The following OCA2 variants were observed in gnomAD, a reference collection of about 807,000 sequenced individuals.
The protein encoded by OCA2 is OCA2 melanosomal transmembrane protein.
A neutral mutation model predicts 100.2 loss-of-function variants in OCA2; 77 were observed. That is an observed-to-expected ratio of 0.77 (90% CI 0.64 to 0.93). OCA2 has a LOEUF of 0.93. Among genes scored for constraint, OCA2 ranks in the 40% least tolerant of loss-of-function variants. The probability of loss-of-function intolerance (pLI) is 0.00; values close to 1 mark genes in which losing one functional copy is unlikely to be tolerated. For synonymous variants in OCA2, 432 were observed against 439.2 expected (o/e 0.98, Z 0.21); for missense variants, 1,062 against 1,089.1 (o/e 0.98, Z 0.35).
intron 6 of OCA2, among the ~76,000 whole-genome samples, chr15:28,019,183 C>T (rs1025980789): frequency 7.9e-5 from 12 of 151,212 alleles, no homozygotes; most frequent in African/African-American, 2.7e-4. Flanking sequence ...ATACAAAATG[C>T]ATCACATGGG....
At chr15:28,004,137 C>T (rs1465232859) in intron 9 of OCA2, among the ~76,000 whole-genome samples, 1 of 152,256 alleles carries the variant, frequency 6.6e-6, no homozygotes, top group Non-Finnish European at 1.5e-5. Context: ...AGAAGAACAT[C>T]AGTCCATCGT....
chr15:27,862,145 A>G (rs66577031), intron 21 of OCA2, among the ~76,000 whole-genome samples: 34,519 of 151,816 alleles, frequency 0.23, 4,948 homozygotes, highest in East Asian at 0.56. Context: ...TCAAGTCCTC[A>G]TGGACAGAAA....
At chr15:27,937,692 A>G (rs1268615818) in intron 18 of OCA2, among the ~76,000 whole-genome samples, 1 of 152,216 alleles carries the variant, frequency 6.6e-6, no homozygotes, top group Non-Finnish European at 1.5e-5. Flanking sequence ...TAATACTTTC[A>G]GTAATTTCAA....
At chr15:28,049,600 A>G (rs2043447405) in intron 2 of OCA2, among the ~76,000 whole-genome samples, 2 of 152,238 alleles carry the variant, frequency 1.3e-5, no homozygotes, top group African/African-American at 2.4e-5. Context: ...AAAATATGGT[A>G]TATACACACA....
chr15:28,001,469 T>C (rs1406705296), intron 9 of OCA2, among the ~76,000 whole-genome samples: 1 of 151,976 alleles, frequency 6.6e-6, no homozygotes, highest in African/African-American at 2.4e-5. Context: ...GTGTGGGAGA[T>C]GAAGAGCTGA....
intron 2 of OCA2, among the ~76,000 whole-genome samples, chr15:28,045,671 G>T (rs954917149): frequency 6.6e-6 from 1 of 152,108 alleles, no homozygotes; most frequent in African/African-American, 2.4e-5. Flanking sequence ...TTATGTAACT[G>T]CCTCCCAGCA....
intron 2 of OCA2, among the ~76,000 whole-genome samples, chr15:28,076,932 T>G (rs886337211): frequency 2.0e-5 from 3 of 152,050 alleles, no homozygotes; most frequent in African/African-American, 7.2e-5. Flanking sequence ...CATCTGTCAT[T>G]CTTACATACT....
intron 23 of OCA2, among the ~76,000 whole-genome samples, chr15:27,809,966 G>A (rs1016547628): frequency 6.6e-6 from 1 of 152,138 alleles, no homozygotes; most frequent in Non-Finnish European, 1.5e-5. Flanking sequence ...CAGATTCAAT[G>A]AAATTCCCAT....
intron 21 of OCA2, 101 bp downstream of exon 21, chr15:27,871,053 G>C: frequency 1.1e-6 from 1 of 881,924 alleles, no homozygotes; most frequent in Non-Finnish European, 1.9e-6. Flanking sequence ...GAGTGCAGCA[G>C]AGGGGCAGGC....
chr15:28,056,080 C>T (rs1019681529), intron 2 of OCA2, among the ~76,000 whole-genome samples: 1 of 152,006 alleles, frequency 6.6e-6, no homozygotes, highest in Non-Finnish European at 1.5e-5. Context: ...CCTGGAGCCT[C>T]GTGGCCCTGG....
chr15:27,913,895 GCAAGCAAGCAAGCA>G (rs1258954233), intron 19 of OCA2, among the ~76,000 whole-genome samples: 4 of 39,022 alleles, frequency 1.0e-4, no homozygotes, highest in African/African-American at 4.0e-4. Context: ...AAGAAAGAAA[GCAAGCAAGCAAGCA>G]AGCAAGCAAG....
chr15:27,883,391 C>T (rs2037099428), intron 19 of OCA2, among the ~76,000 whole-genome samples: 1 of 152,184 alleles, frequency 6.6e-6, no homozygotes, highest in African/African-American at 2.4e-5. Context: ...AGTAGGTTTA[C>T]ACGCCCTTAG....
chr15:27,982,762 AT>A (rs2041209896), intron 14 of OCA2, among the ~76,000 whole-genome samples: 1 of 152,228 alleles, frequency 6.6e-6, no homozygotes, highest in Non-Finnish European at 1.5e-5. Context: ...GAAAATTCTA[AT>A]GATCAAAGAG....
the OCA2 span, among the ~76,000 whole-genome samples, chr15:27,722,140 G>A: frequency 1.3e-5 from 2 of 152,220 alleles, no homozygotes; most frequent in Admixed American, 1.3e-4. Context: ...ACTCAGTAGG[G>A]ATGCAAGAAT....
intron 18 of OCA2, among the ~76,000 whole-genome samples, chr15:27,939,179 T>C (rs2039561060): frequency 6.6e-6 from 1 of 152,244 alleles, no homozygotes; most frequent in South Asian, 2.1e-4. Flanking sequence ...CTCATAAAAA[T>C]GTCAGCAAGA....
intron 19 of OCA2, among the ~76,000 whole-genome samples, chr15:27,913,892 A>AAAGCAAGCAAGC (rs201142354): frequency 2.7e-5 from 1 of 37,426 alleles, no homozygotes; most frequent in African/African-American, 1.4e-4. Flanking sequence ...AGAAAGAAAG[A>AAAGCAAGCAAGC]AAGCAAGCAA....
intron 19 of OCA2, among the ~76,000 whole-genome samples, chr15:27,879,709 T>C (rs2036936547): frequency 6.6e-6 from 1 of 152,196 alleles, no homozygotes; most frequent in Non-Finnish European, 1.5e-5. Context: ...TTGGTTTTTT[T>C]ATTGTAAATT....
At chr15:27,771,401 A>T (rs926648563) in intron 23 of OCA2, among the ~76,000 whole-genome samples, 1 of 150,606 alleles carries the variant, frequency 6.6e-6, no homozygotes, top group Non-Finnish European at 1.5e-5. Flanking sequence ...AAAAAAAAAA[A>T]AAATACAGCC....
At chr15:27,783,807 C>G (rs1490101172) in intron 23 of OCA2, among the ~76,000 whole-genome samples, 2 of 152,228 alleles carry the variant, frequency 1.3e-5, no homozygotes. Context: ...TGGCTCAGGC[C>G]TGGCAAGGGG....
Sources: gnomAD v4.1 joint callset for allele counts (sites outside exome capture counted in the v4.1 genomes callset) on GRCh38, gnomAD v4.1.1 for gene constraint, MANE v1.5 for transcripts, NCBI Gene and HGNC (gene_info 2026-07-23, HGNC 2026-07-21) for gene names.